RFX4: variants seen among roughly 807,000 people sequenced by gnomAD.
RFX4 encodes the protein regulatory factor X4.
Under a neutral mutation model 95.0 loss-of-function variants are expected in RFX4, and 10 were observed. That is an observed-to-expected ratio of 0.11 (90% confidence interval 0.06 to 0.18). The LOEUF is 0.18. Ranked by LOEUF, RFX4 falls within the 10% of genes least tolerant of loss-of-function variation. RFX4 has a pLI of 1.00. For missense variants in RFX4, 640 were observed against 922.0 expected, an observed-to-expected ratio of 0.69 and a Z score of 3.96; for synonymous variants, 321 against 340.7, an observed-to-expected ratio of 0.94 and a Z score of 0.64.
intron 2 of RFX4, among the ~76,000 whole-genome samples, chr12:106,620,361 C>G (rs1443143022): frequency 1.3e-5 from 2 of 152,140 alleles, no homozygotes; most frequent in Admixed American, 6.5e-5. Context: ...AGCTGGGCCA[C>G]TGGGGGTGAC....
chr12:106,747,938 A>G (rs1369085751), intron 16 of RFX4, among the ~76,000 whole-genome samples: 29 of 151,684 alleles, frequency 1.9e-4, no homozygotes, highest in East Asian at 1.9e-4. Flanking sequence ...AAAAAAAAAA[A>G]AAAAAGAAAA....
At chr12:106,680,730 G>A (rs1194431958) in intron 4 of RFX4, 2 of 152,206 alleles carry the variant, frequency 1.3e-5, no homozygotes, top group Non-Finnish European at 2.9e-5. Context: ...AAAATCCCTG[G>A]AAGTAAAAGG....
At position 106,690,018 on chromosome 12, in the gene RFX4, T is replaced by C. The variant is rs116679892; in HGVS notation, c.669+654T>C. 1.8e-3 allele frequency among the ~76,000 whole-genome samples: 277 copies of C among 152,274 alleles called. 3 individuals are homozygous for C. The highest frequency in any genetic ancestry group is 6.3e-3 in the African/African-American group (261 of 41,546). On this transcript the variant is annotated intron_variant, in intron 7 of 17. Coordinates refer to ENST00000392842, the MANE Select transcript of RFX4 (RefSeq NM_213594.3). ...GACAATGTGGTCTCTAAAAGGACTA[T>C]AAAAAACCCAGTAGCTATTGATGGA...
chr12:106,720,443 G>A lies in RFX4; in HGVS notation c.1234-316G>A, dbSNP rs2042374499. Among the ~76,000 whole-genome samples the A allele has an allele frequency of 6.6e-6, 1 of 151,974 alleles. No homozygotes were observed. Among genetic ancestry groups the A allele is most frequent in the Non-Finnish European group, 1.5e-5 (1 of 67,982 alleles). On this transcript the variant is annotated intron_variant, in intron 12 of 17. Coordinates refer to ENST00000392842, the MANE Select transcript of RFX4 (RefSeq NM_213594.3). The surrounding 1 kb of genome is among the most constrained non-coding windows in gnomAD (Gnocchi z 4.2). ...GTTGCCCAGGCTGGAGTGCAGTGGT[G>A]CGATCACAGCTCACTGCAGCCTTGA... is the stretch of plus-strand genomic sequence containing the variant.
chr12:106,684,681 T>G, intron 5 of RFX4: 2 of 1,458,616 alleles, frequency 1.4e-6, no homozygotes, highest in Non-Finnish European at 1.8e-6. Flanking sequence ...GGAACCATGC[T>G]CCTCCCCCAC....
At chr12:106,648,368 G>T (rs2040790819) in intron 3 of RFX4, among the ~76,000 whole-genome samples, 1 of 152,134 alleles carries the variant, frequency 6.6e-6, no homozygotes, top group South Asian at 2.1e-4. Context: ...TGGGAAAGCA[G>T]GACGGAAAAG....
At chr12:106,645,694 A>C (rs2040730716) in intron 3 of RFX4, among the ~76,000 whole-genome samples, 1 of 152,214 alleles carries the variant, frequency 6.6e-6, no homozygotes, top group Non-Finnish European at 1.5e-5. Context: ...GACATTTTAG[A>C]CCAGATCACA....
intron 13 of RFX4, among the ~76,000 whole-genome samples, chr12:106,725,570 TA>T (rs2042478838): frequency 6.6e-6 from 1 of 152,240 alleles, no homozygotes; most frequent in African/African-American, 2.4e-5. Flanking sequence ...TAGGTAACTT[TA>T]GGCTTTGTTG....
chr12:106,645,886 A>G, intron 3 of RFX4: 3 of 1,288,918 alleles, frequency 2.3e-6, no homozygotes, highest in Non-Finnish European at 3.0e-6. Context: ...AGATAATGCC[A>G]CTAGATGTGA....
At chr12:106,691,887 A>G (rs560769849) in intron 7 of RFX4, among the ~76,000 whole-genome samples, 57 of 152,304 alleles carry the variant, frequency 3.7e-4, no homozygotes, top group African/African-American at 1.3e-3. Context: ...GGCCGGGCGC[A>G]GTGGCTCACG....
chr12:106,711,171 G>A (rs2042185173), intron 9 of RFX4, among the ~76,000 whole-genome samples: 1 of 152,170 alleles, frequency 6.6e-6, no homozygotes, highest in Non-Finnish European at 1.5e-5. Context: ...TTTTACTCAC[G>A]GTTGATTGAC....
intron 8 of RFX4, 44 bp downstream of exon 8, chr12:106,696,490 A>G (rs773074845): frequency 1.9e-6 from 3 of 1,609,500 alleles, no homozygotes. Flanking sequence ...TGGTCCACAG[A>G]AGGGATTGTT....
At chr12:106,612,129 A>G (rs2039973155) in intron 2 of RFX4, among the ~76,000 whole-genome samples, 1 of 151,970 alleles carries the variant, frequency 6.6e-6, no homozygotes, top group Non-Finnish European at 1.5e-5. Context: ...GGATTTTTCT[A>G]TTTCTGGAAA....
At chr12:106,737,840 G>A (rs1477947181) in intron 15 of RFX4, among the ~76,000 whole-genome samples, 1 of 152,144 alleles carries the variant, frequency 6.6e-6, no homozygotes, top group Non-Finnish European at 1.5e-5. Context: ...ATTTGAGATC[G>A]CCGTATTTGT....
intron 2 of RFX4, among the ~76,000 whole-genome samples, chr12:106,638,909 T>A (rs2040564718): frequency 6.6e-6 from 1 of 152,196 alleles, no homozygotes; most frequent in Non-Finnish European, 1.5e-5. Context: ...ATCATCATCA[T>A]CTGGGGGATT....
At chr12:106,624,110 A>G (rs770876300) in intron 2 of RFX4, among the ~76,000 whole-genome samples, 1 of 152,154 alleles carries the variant, frequency 6.6e-6, no homozygotes, top group Non-Finnish European at 1.5e-5. Flanking sequence ...TCTCTCTTTT[A>G]TCAGAAAACA....
intron 1 of RFX4, chr12:106,601,304 G>A (rs2039702146): frequency 6.3e-7 from 1 of 1,595,500 alleles, no homozygotes; most frequent in Admixed American, 1.7e-5. Context: ...CCACCCTGGT[G>A]CGGGAGGCGA....
intron 2 of RFX4, among the ~76,000 whole-genome samples, chr12:106,614,745 G>A (rs748004354): frequency 2.0e-5 from 3 of 150,594 alleles, no homozygotes; most frequent in African/African-American, 7.3e-5. Flanking sequence ...TCCTGACCTC[G>A]TGATCTACCC....
At chr12:106,748,821 C>T (rs1379437056) in intron 16 of RFX4, among the ~76,000 whole-genome samples, 3 of 152,050 alleles carry the variant, frequency 2.0e-5, no homozygotes, top group Admixed American at 6.5e-5. Flanking sequence ...CGCAGTGGCT[C>T]ACACCTGTAA....
Sources: allele counts gnomAD v4.1 joint callset (sites outside exome capture counted in the v4.1 genomes callset), GRCh38; gene constraint gnomAD v4.1.1; non-coding constraint Gnocchi (gnomAD v3.1); transcripts MANE v1.5; gene names NCBI Gene and HGNC (gene_info 2026-07-23, HGNC 2026-07-21).